The following CSMD1 variants were observed in gnomAD, a reference collection of about 807,000 sequenced individuals.
CSMD1 encodes the protein CUB and Sushi multiple domains 1.
In CSMD1, 213 loss-of-function variants were observed where a neutral mutation model predicts 417.5. The observed-to-expected ratio is 0.51, with a 90% CI of 0.46 to 0.57. CSMD1 has a LOEUF of 0.57. Ranked by LOEUF, CSMD1 falls within the 20% of genes least tolerant of loss-of-function variation. The pLI is 0.00. For missense variants in CSMD1, 6,923 were observed against 4,529.7 expected (o/e 1.53, Z -15.17); for synonymous variants, 2,862 against 1,736.8 (o/e 1.65, Z -16.11).
At chr8:3,288,394 CTCTGGTAGAATTCGGCTGTGAATCCA>C (rs1803309010) in intron 25 of CSMD1, among the ~76,000 whole-genome samples, 1 of 146,776 alleles carries the variant, frequency 6.8e-6, no homozygotes. Flanking sequence ...CTCCTTGTAC[CTCTGGTAGAATTCGGCTGTGAATCCA>C]TCTGGTCCTG....
rs140314252 is a variant in CSMD1 at position 4,238,418 on chromosome 8, G to C, written c.415+181535C>G. Among the ~76,000 whole-genome samples the C allele has an allele frequency of 3.3e-5, 5 of 152,268 alleles. 1 individual carries two copies. The highest frequency in any genetic ancestry group is 9.6e-5 in the African/African-American group (4 of 41,566). ...CCCTGAGCACACATGGTATACCCTA[G>C]AGTCACAAATCAATACTGTGATTCC... On this transcript the variant is annotated intron_variant, in intron 3 of 69. Transcript: ENST00000635120.
intron 10 of CSMD1, among the ~76,000 whole-genome samples, chr8:3,503,819 C>T (rs1484129286): frequency 4.0e-5 from 6 of 150,218 alleles, no homozygotes; most frequent in African/African-American, 7.4e-5. Context: ...CTCCATCTCC[C>T]CCCATCCCCC....
chr8:3,189,487 G>A (rs1796283195), intron 34 of CSMD1, among the ~76,000 whole-genome samples: 1 of 152,160 alleles, frequency 6.6e-6, no homozygotes, highest in Non-Finnish European at 1.5e-5. Context: ...ACAAAATGAA[G>A]CAGGTAAACT....
intron 49 of CSMD1, among the ~76,000 whole-genome samples, chr8:3,075,537 T>C (rs144216963): frequency 0.019 from 2,848 of 151,954 alleles, 102 homozygotes; most frequent in African/African-American, 0.065. Context: ...CACCTAGGCC[T>C]CCCAAAGTGC....
chr8:3,729,596 G>C (rs370170386), intron 6 of CSMD1, among the ~76,000 whole-genome samples: 5 of 152,034 alleles, frequency 3.3e-5, no homozygotes, highest in African/African-American at 1.2e-4. Flanking sequence ...CAACCTGCTG[G>C]AAGCCATTAG....
chr8:4,022,310 T>C (rs1357107522), intron 4 of CSMD1, among the ~76,000 whole-genome samples: 2 of 152,054 alleles, frequency 1.3e-5, no homozygotes, highest in Admixed American at 6.6e-5. Context: ...AAGAGAAGTA[T>C]TATTTAGTGA....
At chr8:4,232,741 C>G (rs925459015) in intron 3 of CSMD1, among the ~76,000 whole-genome samples, 24 of 152,296 alleles carry the variant, frequency 1.6e-4, no homozygotes, top group African/African-American at 5.8e-4. Context: ...GTAAGATTGC[C>G]TTAATTCACT....
chr8:3,806,481 G>C (rs959836020), intron 5 of CSMD1, among the ~76,000 whole-genome samples: 1 of 152,172 alleles, frequency 6.6e-6, no homozygotes, highest in Admixed American at 6.5e-5. Flanking sequence ...CTATAACTGA[G>C]TCTCCAAAAG....
rs73661111 is a variant in CSMD1, at chr8:4,747,755, C to G, written c.86-110197G>C. On this transcript the variant is annotated intron_variant, in intron 1 of 69. Coordinates refer to ENST00000635120, the MANE Select transcript of CSMD1 (RefSeq NM_033225.6). ...CCAATGTCCTGTGGCCCAAGCACAT[C>G]GAATACTGTGTAAAGCCTGGGATAG... Among the ~76,000 whole-genome samples the G allele has an allele frequency of 9.2e-3, 1,394 of 152,168 alleles. 15 individuals are homozygous for G. The highest frequency in any genetic ancestry group is 0.028 in the African/African-American group (1,178 of 41,512).
intron 3 of CSMD1, among the ~76,000 whole-genome samples, chr8:4,054,528 T>C (rs1393936668): frequency 6.6e-6 from 1 of 152,082 alleles, no homozygotes; most frequent in African/African-American, 2.4e-5. Flanking sequence ...CCTCATCCAA[T>C]TATCAAACAT....
At chr8:4,802,926 A>C (rs531608543) in intron 1 of CSMD1, among the ~76,000 whole-genome samples, 1 of 152,194 alleles carries the variant, frequency 6.6e-6, no homozygotes, top group African/African-American at 2.4e-5. Flanking sequence ...GGAGAGAGGC[A>C]GAATAAAGTG....
intron 6 of CSMD1, among the ~76,000 whole-genome samples, chr8:3,728,534 T>C (rs567416447): frequency 6.6e-6 from 1 of 152,322 alleles, no homozygotes; most frequent in East Asian, 1.9e-4. Flanking sequence ...AAAATAAATA[T>C]AAACGTAGGT....
At chr8:3,716,723 AG>A (rs1438235550) in intron 6 of CSMD1, among the ~76,000 whole-genome samples, 2 of 152,220 alleles carry the variant, frequency 1.3e-5, no homozygotes, top group African/African-American at 4.8e-5. Flanking sequence ...TACTTTCTCC[AG>A]CCCCTATTCA....
chr8:4,417,448 G>A lies in CSMD1; in HGVS notation c.415+2505C>T, dbSNP rs558670841. Among the ~76,000 whole-genome samples the A allele has an allele frequency of 1.3e-4, 20 of 152,050 alleles. No homozygotes were observed. The South Asian group carries it at 3.9e-3, about 30-fold the overall frequency. The stretch of plus-strand genomic sequence containing the variant: ...CTTTGGAAGATTCTTCTCCTTTCAA[G>A]CCAATACATTTCAATTAAAATTTTA... On this transcript the variant is annotated intron_variant, in intron 3 of 69. Coordinates refer to ENST00000635120, the MANE Select transcript of CSMD1 (RefSeq NM_033225.6).
chr8:4,464,593 C>T (rs566267044), intron 2 of CSMD1, among the ~76,000 whole-genome samples: 6 of 152,154 alleles, frequency 3.9e-5, no homozygotes, highest in Non-Finnish European at 5.9e-5. Context: ...TTCTACTGAA[C>T]GTGTTATTAC....
intron 1 of CSMD1, among the ~76,000 whole-genome samples, chr8:4,874,452 C>T (rs372303833): frequency 1.4e-5 from 2 of 141,350 alleles, no homozygotes; most frequent in Admixed American, 1.5e-4. Context: ...TGCAGTGTTC[C>T]ATTCTCGACT....
At chr8:4,810,028 G>C (rs764854751) in intron 1 of CSMD1, among the ~76,000 whole-genome samples, 13 of 152,104 alleles carry the variant, frequency 8.5e-5, no homozygotes, top group Non-Finnish European at 1.3e-4. Flanking sequence ...TTAGAATGAG[G>C]GTTAGCTCAA....
At position 3,839,813 on chromosome 8, in the gene CSMD1, C is replaced by A. The variant is rs1055693535; in HGVS notation, c.819-85771G>T. ...GAGAAGCTGGTGGCCAAACTAGAGA[C>A]CAAAGTGCACAGCTAAATGGAGGGA... On this transcript the variant is annotated intron_variant, in intron 5 of 69. Transcript: ENST00000635120. Among the ~76,000 whole-genome samples the A allele has an allele frequency of 4.0e-5, 6 of 151,628 alleles. No homozygotes were observed. The Admixed American group carries it at 4.0e-4, about 10-fold the overall frequency.
intron 3 of CSMD1, among the ~76,000 whole-genome samples, chr8:4,063,521 C>A (rs1016301894): frequency 6.6e-6 from 1 of 152,150 alleles, no homozygotes; most frequent in African/African-American, 2.4e-5. Flanking sequence ...CTGTGTGCCA[C>A]AGTTTTAATA....
Sources: allele counts gnomAD v4.1 joint callset (sites outside exome capture counted in the v4.1 genomes callset), GRCh38; gene constraint gnomAD v4.1.1; transcripts MANE v1.5; gene names NCBI Gene and HGNC (gene_info 2026-07-23, HGNC 2026-07-21).